The following CCDC141 variants were observed in gnomAD, a reference collection of about 807,000 sequenced individuals.
CCDC141 encodes the protein coiled-coil domain containing 141.
CCDC141 carries 168 observed loss-of-function variants against 181.0 expected under a neutral mutation model. That is an observed-to-expected ratio of 0.93 (90% CI 0.82 to 1.05). The LOEUF is 1.05. Ranked by LOEUF, CCDC141 falls within the 50% of genes least tolerant of loss-of-function variation. The pLI, the probability that CCDC141 is intolerant of heterozygous loss-of-function variation, is 0.00. For missense variants in CCDC141, 1,902 were observed against 1,788.5 expected (o/e 1.06, Z -1.14); for synonymous variants, 666 against 642.3 (o/e 1.04, Z -0.56).
intron 7 of CCDC141, among the ~76,000 whole-genome samples, chr2:178,907,750 T>C (rs1302620296): frequency 6.6e-6 from 1 of 152,092 alleles, no homozygotes; most frequent in African/African-American, 2.4e-5. Context: ...TCCCAGCACT[T>C]TGGGAGGCCA....
Position 178,918,867 on chromosome 2 carries a change from A to C in CCDC141, c.938T>G (p.Leu313Arg), listed in dbSNP as rs1360114346. ...SAVEKLKSEA[L>R]RILLSKDYVE... ...GTAGTCCTTTGACAGCAGAATTCTCAGTGCCTCACTCTTCAGCTTCTCAAC... is the reference window on the plus strand; with the variant it reads ...GTAGTCCTTTGACAGCAGAATTCTCCGTGCCTCACTCTTCAGCTTCTCAAC... Residue 313 changes from leucine to arginine, a missense_variant, in exon 7 of 24, where the codon CTG becomes CGG. Coordinates refer to ENST00000443758, the MANE Select transcript of CCDC141 (RefSeq NM_173648.4). 6.4e-7 allele frequency: 1 copy of C among 1,550,666 alleles called. No individual in the cohort carries two copies. Among genetic ancestry groups the C allele is most frequent in the Non-Finnish European group, 8.7e-7 (1 of 1,146,996 alleles).
intron 6 of CCDC141, among the ~76,000 whole-genome samples, chr2:178,923,458 T>C (rs1262876431): frequency 1.3e-5 from 2 of 151,864 alleles, no homozygotes; most frequent in African/African-American, 4.8e-5. Flanking sequence ...TCCATCACAC[T>C]ATTTAAAAAA....
rs186481312 is a variant in CCDC141, at chr2:178,991,803, G to A, written c.226-13128C>T. Among the ~76,000 whole-genome samples the A allele has an allele frequency of 2.5e-3, 373 of 151,780 alleles. 2 individuals carry two copies. Among genetic ancestry groups the A allele is most frequent in the African/African-American group, 8.6e-3 (356 of 41,404 alleles). On this transcript the variant is annotated intron_variant, in intron 2 of 23. Transcript: ENST00000443758. Reference sequence around the variant, plus strand: ...TATCACATGTACCCCATAAATATGTGCAATTATTATGTATCATTTAAAATA... The same window carrying A: ...TATCACATGTACCCCATAAATATGTACAATTATTATGTATCATTTAAAATA...
intron 2 of CCDC141, among the ~76,000 whole-genome samples, chr2:178,989,391 C>T (rs564550965): frequency 2.0e-5 from 3 of 151,596 alleles, no homozygotes; most frequent in Non-Finnish European, 2.9e-5. Context: ...ATCAGGAGTT[C>T]GAGACCAGCC....
intron 2 of CCDC141, among the ~76,000 whole-genome samples, chr2:179,003,462 A>G (rs2042039997): frequency 6.6e-6 from 1 of 152,202 alleles, no homozygotes; most frequent in African/African-American, 2.4e-5. Flanking sequence ...AATAATAACT[A>G]TCTTATAAGA....
chr2:178,879,451 T>C (rs957999701), intron 11 of CCDC141, among the ~76,000 whole-genome samples: 2 of 152,204 alleles, frequency 1.3e-5, no homozygotes, highest in East Asian at 3.8e-4. Context: ...CATTTATACA[T>C]GCCTCTATGT....
intron 2 of CCDC141, among the ~76,000 whole-genome samples, chr2:179,015,066 A>ATATATATATATATAT (rs1559048317): frequency 0.013 from 122 of 9,220 alleles, 9 homozygotes; most frequent in African/African-American, 0.035. Flanking sequence ...AGAGAGACAG[A>ATATATATATATATAT]GATATATATA....
rs1250698772 is a variant in CCDC141 at position 178,878,085 on chromosome 2, T to A, written c.1778A>T (p.Glu593Val). ...EFYETEIPQK[E>V]QDDAKAKHCS... ...ATGCTTGGCTTTAGCATCATCCTGC[T>A]CCTTCTGAGGGATTTCGGTTTCATA... The change falls in exon 12 of 24, where the codon GAG becomes GTG. Residue 593 changes from glutamate (E) to valine (V), a missense_variant. Transcript: ENST00000443758. 9.3e-6 allele frequency: 15 copies of A among 1,612,126 alleles called. No individual in the cohort carries two copies. Among genetic ancestry groups the A allele is most frequent in the Non-Finnish European group, 1.3e-5 (15 of 1,179,550 alleles).
downstream of CCDC141, among the ~76,000 whole-genome samples, chr2:178,826,489 T>G (rs1183886588): frequency 1.3e-5 from 2 of 152,194 alleles, no homozygotes; most frequent in Non-Finnish European, 2.9e-5. Context: ...TGGAAGAGAC[T>G]GTGGAGAATG....
At position 178,829,854 on chromosome 2, in the gene CCDC141, G is replaced by T. The variant is rs1684187856; in HGVS notation, c.*4319C>A. The T allele has an allele frequency of 6.6e-6, 1 of 152,210 alleles. No homozygotes were observed. Among genetic ancestry groups the T allele is most frequent in the Non-Finnish European group, 1.5e-5 (1 of 68,042 alleles). The allele number at this position is 152,210 out of a possible 1,614,324, so 9.4% of individuals were successfully genotyped here. A position where few individuals can be genotyped will look rare whatever the true frequency, so the allele number is the denominator to read the frequency against. On this transcript the variant is annotated 3_prime_UTR_variant, in exon 24 of 24. Coordinates refer to ENST00000443758, the MANE Select transcript of CCDC141 (RefSeq NM_173648.4). ...ACAGGAGTTTCAAAAGCTTCAGATG[G>T]TGATTTTTAGTAAGAAATGGTCATG...
At chr2:178,997,285 T>C (rs1429507074) in intron 2 of CCDC141, among the ~76,000 whole-genome samples, 1 of 152,172 alleles carries the variant, frequency 6.6e-6, no homozygotes, top group Non-Finnish European at 1.5e-5. Flanking sequence ...CCTTCCCTTC[T>C]GAATCTGGTG....
At chr2:178,889,802 G>C (rs1340885804) in intron 8 of CCDC141, among the ~76,000 whole-genome samples, 3 of 152,128 alleles carry the variant, frequency 2.0e-5, no homozygotes, top group Admixed American at 6.6e-5. Context: ...GGCACATAAT[G>C]TTTCACAGAT....
At chr2:178,942,225 A>G (rs1292960428) in intron 6 of CCDC141, among the ~76,000 whole-genome samples, 1 of 152,254 alleles carries the variant, frequency 6.6e-6, no homozygotes, top group Middle Eastern at 3.4e-3. Flanking sequence ...TGAATAGCTG[A>G]GTAGCATGCA....
At chr2:178,928,862 A>G (rs1689000201) in intron 6 of CCDC141, among the ~76,000 whole-genome samples, 1 of 152,224 alleles carries the variant, frequency 6.6e-6, no homozygotes, top group African/African-American at 2.4e-5. Flanking sequence ...AGGGTTACCA[A>G]TATGAAAACC....
rs1685818270 is a variant in CCDC141, at chr2:178,865,748, T to C, written c.2724+19A>G. The C allele has an allele frequency of 1.4e-6, 2 of 1,464,662 alleles. No homozygotes were observed. The highest frequency in any genetic ancestry group is 1.4e-5 in the African/African-American group (1 of 69,848). 90.7% of individuals were successfully genotyped at this position (1,464,662 alleles called of 1,614,324 possible). On this transcript the variant is annotated intron_variant, in intron 17 of 23. Transcript: ENST00000443758. ...CAGCTTTTTGGCAATGTGCCAGTTCTCACCCCTCCCACACCCACCTCATTT... is the reference window on the plus strand; with the variant it reads ...CAGCTTTTTGGCAATGTGCCAGTTCCCACCCCTCCCACACCCACCTCATTT...
chr2:178,817,688 G>A, the CCDC141 span: 48,719 of 362,950 alleles, frequency 0.13, 7,192 homozygotes, highest in East Asian at 0.72. Flanking sequence ...ATACTAAAAG[G>A]AAAAGGAAAT....
intron 20 of CCDC141, among the ~76,000 whole-genome samples, chr2:178,851,205 CA>C (rs3045634): frequency 0.42 from 43,349 of 103,850 alleles, 7,236 homozygotes; most frequent in East Asian, 0.69. Flanking sequence ...GACTTTGTCT[CA>C]AAAAAAAAAA....
chr2:178,913,675 C>G (rs182548626), intron 7 of CCDC141, among the ~76,000 whole-genome samples: 1 of 152,298 alleles, frequency 6.6e-6, no homozygotes. Flanking sequence ...GTTTCAATAG[C>G]TATGGCAGAA....
intron 2 of CCDC141, among the ~76,000 whole-genome samples, chr2:178,982,071 AC>A (rs1328583334): frequency 6.6e-6 from 1 of 152,150 alleles, no homozygotes; most frequent in Non-Finnish European, 1.5e-5. Context: ...CTTGAAAGCC[AC>A]AATCTACCAA....
Sources: gnomAD v4.1 joint callset for allele counts (sites outside exome capture counted in the v4.1 genomes callset) on GRCh38, gnomAD v4.1.1 for gene constraint, MANE v1.5 for transcripts, NCBI Gene and HGNC (gene_info 2026-07-23, HGNC 2026-07-21) for gene names.